The following ADGRA3 variants were observed in gnomAD, a reference collection of about 807,000 sequenced individuals.
ADGRA3 encodes G-protein coupled receptor 125.
ADGRA3 carries 56 observed loss-of-function variants against 119.8 expected under a neutral mutation model. That is an observed-to-expected ratio of 0.47 (90% CI 0.38 to 0.58). The LOEUF is 0.58. Among genes scored for constraint, ADGRA3 ranks in the 20% least tolerant of loss-of-function variants. ADGRA3 has a pLI of 0.00. For synonymous variants in ADGRA3, 607 were observed against 623.8 expected (o/e 0.97, Z 0.40); for missense variants, 1,516 against 1,649.0 (o/e 0.92, Z 1.40).
At chr4:22,505,103 C>T (rs934409069) in intron 1 of ADGRA3, among the ~76,000 whole-genome samples, 1 of 152,160 alleles carries the variant, frequency 6.6e-6, no homozygotes, top group African/African-American at 2.4e-5. Context: ...CTCCAGTGCA[C>T]ACATCATCAT....
intron 2 of ADGRA3, among the ~76,000 whole-genome samples, chr4:22,471,567 GC>G (rs1717858695): frequency 6.6e-6 from 1 of 152,100 alleles, no homozygotes; most frequent in Admixed American, 6.6e-5. Context: ...GCATGCCCCC[GC>G]CACACACTGT....
At chr4:22,443,361 GTT>G (rs1362393709) in intron 6 of ADGRA3, among the ~76,000 whole-genome samples, 6 of 152,230 alleles carry the variant, frequency 3.9e-5, no homozygotes, top group Middle Eastern at 3.4e-3. Flanking sequence ...TTTTTAATCA[GTT>G]TTTTCCTTTC....
At chr4:22,469,198 G>A (rs978576759) in intron 2 of ADGRA3, among the ~76,000 whole-genome samples, 2 of 152,022 alleles carry the variant, frequency 1.3e-5, no homozygotes, top group Admixed American at 1.3e-4. Context: ...ACTGAAAACC[G>A]AGGACACCCT....
intron 12 of ADGRA3, among the ~76,000 whole-genome samples, chr4:22,418,111 G>A (rs1043734908): frequency 6.6e-6 from 1 of 152,114 alleles, no homozygotes; most frequent in African/African-American, 2.4e-5. Flanking sequence ...CTGAGTTATG[G>A]TATCCACAGT....
intron 5 of ADGRA3, among the ~76,000 whole-genome samples, chr4:22,445,934 T>C (rs1396824751): frequency 1.3e-5 from 2 of 152,242 alleles, no homozygotes; most frequent in African/African-American, 4.8e-5. Flanking sequence ...TGACTATTCA[T>C]GTGCCACACA....
At chr4:22,479,939 GA>G (rs1718205214) in intron 1 of ADGRA3, among the ~76,000 whole-genome samples, 1 of 152,068 alleles carries the variant, frequency 6.6e-6, no homozygotes, top group Non-Finnish European at 1.5e-5. Context: ...AGTGGGAGTT[GA>G]ACAATGAAAA....
chr4:22,394,023 T>G (rs1260159659), intron 16 of ADGRA3: 2 of 152,178 alleles, frequency 1.3e-5, no homozygotes, highest in African/African-American at 4.8e-5. Flanking sequence ...AAATTTTAGT[T>G]TAAGAAAAGT....
intron 1 of ADGRA3, among the ~76,000 whole-genome samples, chr4:22,484,997 T>C (rs1038111555): frequency 2.0e-5 from 3 of 152,168 alleles, no homozygotes; most frequent in Non-Finnish European, 4.4e-5. Context: ...GTGGAATAAA[T>C]CCTCTGCTTA....
intron 1 of ADGRA3, among the ~76,000 whole-genome samples, chr4:22,496,541 T>C (rs184164043): frequency 5.9e-5 from 9 of 152,350 alleles, no homozygotes; most frequent in African/African-American, 1.4e-4. Context: ...ATACAGTCCG[T>C]GGTCCAAATC....
intron 15 of ADGRA3, 48 bp from the exon 16 acceptor site, chr4:22,401,602 G>A (rs966734635): frequency 7.1e-7 from 1 of 1,410,706 alleles, no homozygotes; most frequent in African/African-American, 1.4e-5. Context: ...AGTACATAAG[G>A]AGAAAACTAT....
chr4:22,463,779 T>C (rs4697306), intron 2 of ADGRA3, among the ~76,000 whole-genome samples: 6,119 of 152,236 alleles, frequency 0.04, 201 homozygotes, highest in East Asian at 0.18. Context: ...CCTGAGGAGG[T>C]TGGCCCTTTG....
chr4:22,493,608 T>TA (rs1718705589), intron 1 of ADGRA3, among the ~76,000 whole-genome samples: 1 of 152,188 alleles, frequency 6.6e-6, no homozygotes, highest in African/African-American at 2.4e-5. Flanking sequence ...ACCAGTCTGG[T>TA]AAAGCACTAG....
rs1577372011 is a variant in ADGRA3, at chr4:22,477,233, A to G, written c.258-3390T>C. Among the ~76,000 whole-genome samples the G allele has an allele frequency of 3.3e-5, 5 of 152,178 alleles. No homozygotes were observed. The South Asian group carries it at 1.0e-3, about 32-fold the overall frequency. On this transcript the variant is annotated intron_variant, in intron 1 of 18. Coordinates refer to ENST00000334304, the MANE Select transcript of ADGRA3 (RefSeq NM_145290.4). ...GACGTTAGAAACTTCACAGGCACTA[A>G]AAGTAGTGCAAATAACAATGGTGCT...
chr4:22,505,902 A>G (rs1410818728), intron 1 of ADGRA3, among the ~76,000 whole-genome samples: 4 of 152,214 alleles, frequency 2.6e-5, no homozygotes, highest in Non-Finnish European at 4.4e-5. Flanking sequence ...GAAGTCACAT[A>G]CATCCACAAC....
intron 2 of ADGRA3, among the ~76,000 whole-genome samples, chr4:22,466,833 A>G (rs1213002096): frequency 5.9e-5 from 9 of 152,206 alleles, no homozygotes; most frequent in Non-Finnish European, 1.3e-4. Flanking sequence ...CAGGTTCCAC[A>G]AGAGCAGGCT....
At chr4:22,451,036 T>G (rs1717023447) in intron 4 of ADGRA3, among the ~76,000 whole-genome samples, 3 of 150,128 alleles carry the variant, frequency 2.0e-5, no homozygotes, top group African/African-American at 7.3e-5. Context: ...GGAAATCTAA[T>G]TTTTCCTTCA....
intron 16 of ADGRA3, 106 bp downstream of exon 16, chr4:22,401,323 ATC>A (rs1714629636): frequency 2.1e-6 from 2 of 954,076 alleles, no homozygotes; most frequent in Non-Finnish European, 3.0e-6. Flanking sequence ...TTTAACTTTA[ATC>A]AGTTAAAGAA....
At chr4:22,480,321 A>C (rs1293818658) in intron 1 of ADGRA3, among the ~76,000 whole-genome samples, 1 of 152,140 alleles carries the variant, frequency 6.6e-6, no homozygotes, top group East Asian at 1.9e-4. Context: ...AGTGGGGGAA[A>C]AATGTGATCA....
In ADGRA3 at chr4:22,461,802, G is replaced by A. The variant is rs759124202; in HGVS notation, c.336C>T (p.Leu112=). Residue 112 remains leucine, a synonymous_variant, in exon 3 of 19, where the codon CTC becomes CTT. Coordinates refer to ENST00000334304, the MANE Select transcript of ADGRA3 (RefSeq NM_145290.4). ...CTATACTACTAATAAGATTGTTTCG[G>A]AGGTCCCTGTTAAAAATAAAATAAA... ...SGLSLLERLD[L]RNNLISSIDP... The A allele has an allele frequency of 1.2e-6, 2 of 1,600,370 alleles. No individual in the cohort carries two copies. The highest frequency in any genetic ancestry group is 1.1e-5 in the South Asian group (1 of 89,552).
Sources: gnomAD v4.1 joint callset for allele counts (sites outside exome capture counted in the v4.1 genomes callset) on GRCh38, gnomAD v4.1.1 for gene constraint, MANE v1.5 for transcripts, NCBI Gene and HGNC (gene_info 2026-07-23, HGNC 2026-07-21) for gene names.